The following GNA14 variants were observed in gnomAD, a reference collection of about 807,000 sequenced individuals.
The protein encoded by GNA14 is guanine nucleotide-binding protein subunit alpha-14.
A neutral mutation model predicts 42.0 loss-of-function variants in GNA14; 50 were observed. The ratio of observed to expected loss-of-function variants is 1.19; its 90% CI spans 0.95 to 1.51. The LOEUF (loss-of-function observed/expected upper bound fraction) is 1.51, where lower values mean the gene tolerates loss of function less well. Ranked by LOEUF, GNA14 falls within the 40% of genes most tolerant of loss-of-function variation. The pLI is 0.00. For synonymous variants in GNA14, 173 were observed against 163.1 expected (o/e 1.06, Z -0.46); for missense variants, 473 against 446.2 (o/e 1.06, Z -0.54).
intron 2 of GNA14, among the ~76,000 whole-genome samples, chr9:77,436,454 G>T (rs1835640064): frequency 6.6e-6 from 1 of 152,162 alleles, no homozygotes. Flanking sequence ...TTTCTTGTTT[G>T]CAAAAACAGG....
intron 1 of GNA14, among the ~76,000 whole-genome samples, chr9:77,586,498 G>T (rs1210775116): frequency 6.6e-6 from 1 of 152,146 alleles, no homozygotes; most frequent in Non-Finnish European, 1.5e-5. Flanking sequence ...GTAAATACCC[G>T]AGGTTTGTTG....
chr9:77,534,137 C>T lies in GNA14; in HGVS notation c.125-4884G>A, dbSNP rs150674963. Among the ~76,000 whole-genome samples the T allele has an allele frequency of 5.5e-3, 840 of 152,318 alleles. 12 individuals are homozygous for T. Among genetic ancestry groups the T allele is most frequent in the African/African-American group, 0.019 (777 of 41,566 alleles). ...TCAAACTAAATATAACAAATGACTTCAGCAATATTTCAAATAAAAACATCC... is the reference window on the plus strand; with the variant it reads ...TCAAACTAAATATAACAAATGACTTTAGCAATATTTCAAATAAAAACATCC... On this transcript the variant is annotated intron_variant, in intron 1 of 6. Transcript: ENST00000341700.
At chr9:77,428,778 G>T in intron 5 of GNA14, 129 bp downstream of exon 5, 2 of 910,980 alleles carry the variant, frequency 2.2e-6, no homozygotes, top group Non-Finnish European at 3.4e-6. Flanking sequence ...CTGGTCCACA[G>T]GTCACACTTT....
intron 2 of GNA14, among the ~76,000 whole-genome samples, chr9:77,470,244 T>G (rs1309088898): frequency 6.6e-6 from 1 of 152,054 alleles, no homozygotes; most frequent in African/African-American, 2.4e-5. Context: ...GAAATCTGGA[T>G]GGAGTCCTCA....
intron 2 of GNA14, among the ~76,000 whole-genome samples, chr9:77,516,488 A>G (rs1435129844): frequency 6.6e-6 from 1 of 152,138 alleles, no homozygotes. Context: ...GCACTTTGGG[A>G]GGCCAAGGCA....
chr9:77,568,868 A>G, intron 1 of GNA14, among the ~76,000 whole-genome samples: 1 of 152,206 alleles, frequency 6.6e-6, no homozygotes, highest in African/African-American at 2.4e-5. Flanking sequence ...CAAAGATACA[A>G]TTGAGACAGT....
Position 77,529,109 on chromosome 9 carries a change from A to G in GNA14, c.269T>C (p.Met90Thr), listed in dbSNP as rs1399862957. Residue 90 changes from methionine to threonine, a missense_variant, in exon 2 of 7, where the codon ATG becomes ACG. By Grantham distance (81) the Met-to-Thr change is moderately conservative. Coordinates refer to ENST00000341700, the MANE Select transcript of GNA14 (RefSeq NM_004297.4). ...FTAMQAMIRA[M>T]DTLRIQYVCE... is the part of the protein sequence containing the mutation. ...CACATACTGTATCCTTAGCGTGTCC[A>G]TCGCTCTGATCATGGCTTGCATGGC... The G allele has an allele frequency of 6.2e-7, 1 of 1,614,206 alleles. No homozygotes were observed. The highest frequency in any genetic ancestry group is 1.1e-5 in the South Asian group (1 of 91,088).
intron 1 of GNA14, among the ~76,000 whole-genome samples, chr9:77,566,390 A>C (rs2131792653): frequency 6.6e-6 from 1 of 152,102 alleles, no homozygotes; most frequent in Non-Finnish European, 1.5e-5. Flanking sequence ...CCTGGCCTCA[A>C]GTGATCTGCC....
chr9:77,591,785 G>A (rs879935658), intron 1 of GNA14, among the ~76,000 whole-genome samples: 12 of 151,958 alleles, frequency 7.9e-5, no homozygotes, highest in African/African-American at 1.2e-4. Flanking sequence ...TAAACATCCC[G>A]TCTGGCACTC....
intron 2 of GNA14, among the ~76,000 whole-genome samples, chr9:77,437,544 AAGAGAAAGAGAG>A (rs148042513): frequency 0.021 from 3,130 of 151,444 alleles, 72 homozygotes; most frequent in African/African-American, 0.056. Context: ...CTGTATAAGA[AAGAGAAAGAGAG>A]AGAGAAAGAG....
At chr9:77,543,212 C>A (rs1587824384) in intron 1 of GNA14, among the ~76,000 whole-genome samples, 1 of 152,220 alleles carries the variant, frequency 6.6e-6, no homozygotes, top group South Asian at 2.1e-4. Context: ...GAGGATTGTG[C>A]TTTCAGGCTG....
At chr9:77,522,710 G>A (rs1837377899) in intron 2 of GNA14, among the ~76,000 whole-genome samples, 1 of 152,154 alleles carries the variant, frequency 6.6e-6, no homozygotes, top group Admixed American at 6.5e-5. Flanking sequence ...GCCTTCCAGA[G>A]CATTAACTCT....
intron 2 of GNA14, among the ~76,000 whole-genome samples, chr9:77,506,221 G>T (rs1837066231): frequency 6.6e-6 from 1 of 150,884 alleles, no homozygotes; most frequent in Non-Finnish European, 1.5e-5. Flanking sequence ...GGTTGAGGTT[G>T]CAGTGGGTTA....
At chr9:77,515,800 C>T (rs1318498734) in intron 2 of GNA14, among the ~76,000 whole-genome samples, 2 of 150,910 alleles carry the variant, frequency 1.3e-5, no homozygotes, top group Non-Finnish European at 3.0e-5. Context: ...CCCATCTTTA[C>T]AAAAAAATAA....
chr9:77,508,985 T>C (rs1837117120), intron 2 of GNA14, among the ~76,000 whole-genome samples: 1 of 152,206 alleles, frequency 6.6e-6, no homozygotes, highest in Non-Finnish European at 1.5e-5. Context: ...TTTTTAAGTG[T>C]ACAGTTTAGG....
At chr9:77,555,987 GT>G (rs1298004328) in intron 1 of GNA14, among the ~76,000 whole-genome samples, 1 of 152,184 alleles carries the variant, frequency 6.6e-6, no homozygotes, top group African/African-American at 2.4e-5. Context: ...GCTCATGCCT[GT>G]AATCTCAACA....
rs372151018 is a variant in GNA14 at position 77,427,843 on chromosome 9, T to C, written c.723+1064A>G. Reference sequence around the variant, plus strand: ...CAATCCCAGACAGCCCCAGAACAGCTCCAAGCATCTAGCACCACTGCCCAC... The same window carrying C: ...CAATCCCAGACAGCCCCAGAACAGCCCCAAGCATCTAGCACCACTGCCCAC... On this transcript the variant is annotated intron_variant, in intron 5 of 6. Transcript: ENST00000341700. 4.6e-5 allele frequency among the ~76,000 whole-genome samples: 7 copies of C among 152,200 alleles called. No homozygotes were observed. In the South Asian group the frequency reaches 1.2e-3, roughly 27 times the overall value.
intron 1 of GNA14, among the ~76,000 whole-genome samples, chr9:77,564,437 C>T (rs1320950295): frequency 3.3e-5 from 5 of 152,042 alleles, no homozygotes; most frequent in East Asian, 1.9e-4. Flanking sequence ...ACCATTGATA[C>T]CCAGAGACTA....
chr9:77,437,826 T>C (rs1391957216), intron 2 of GNA14, among the ~76,000 whole-genome samples: 1 of 151,954 alleles, frequency 6.6e-6, no homozygotes, highest in Non-Finnish European at 1.5e-5. Flanking sequence ...GTGGCACGAG[T>C]GAGCAATCAA....
Sources: allele counts gnomAD v4.1 joint callset (sites outside exome capture counted in the v4.1 genomes callset), GRCh38; gene constraint gnomAD v4.1.1; transcripts MANE v1.5; gene names NCBI Gene and HGNC (gene_info 2026-07-23, HGNC 2026-07-21).